The following SYNJ2 variants were observed in gnomAD, a reference collection of about 807,000 sequenced individuals.
SYNJ2 encodes polyphosphatidylinositol phosphatase SYNJ2.
A neutral mutation model predicts 141.3 loss-of-function variants in SYNJ2; 116 were observed. The ratio of observed to expected loss-of-function variants is 0.82; its 90% CI spans 0.71 to 0.96. The LOEUF (loss-of-function observed/expected upper bound fraction) is 0.96, where lower values mean the gene tolerates loss of function less well. Among genes scored for constraint, SYNJ2 ranks in the 40% least tolerant of loss-of-function variants. The pLI, the probability that SYNJ2 is intolerant of heterozygous loss-of-function variation, is 0.00. For missense variants in SYNJ2, 1,873 were observed against 1,934.8 expected, an observed-to-expected ratio of 0.97 and a Z score of 0.60; for synonymous variants, 745 against 777.7, an observed-to-expected ratio of 0.96 and a Z score of 0.70.
rs533948263 is a variant in SYNJ2 at position 158,027,141 on chromosome 6, A to G, written c.215-1615A>G. 7 of 985,404 alleles carry G rather than the reference A, an allele frequency of 7.1e-6. No homozygotes were observed. Among genetic ancestry groups the G allele is most frequent in the Admixed American group, 6.1e-5 (1 of 16,284 alleles). The allele number at this position is 985,404 out of a possible 1,614,324, so 61.0% of individuals were successfully genotyped here. On this transcript the variant is annotated intron_variant, in intron 2 of 26. Transcript: ENST00000355585. The surrounding 1 kb of genome is among the most constrained non-coding windows in gnomAD (Gnocchi z 4.6). ...AGCCACACGCCACCCTGCCACAAGC[A>G]GCGCTCTTCTCCCTATGAAGTGTGG...
Position 158,068,688 on chromosome 6 carries a change from G to A in SYNJ2, c.1759G>A (p.Glu587Lys), listed in dbSNP as rs1199545543. ...PADIFAVGFE[E>K]MVELSAGNIV... ...TGACATATTTGCTGTGGGGTTTGAA[G>A]AGATGGTGGAATTGAGCGCAGGGAA... The change falls in exon 13 of 27, where the codon GAG becomes AAG. Residue 587 changes from glutamate to lysine, a missense_variant. Glu to Lys is a moderately conservative substitution (Grantham distance 56, BLOSUM62 1). Coordinates refer to ENST00000355585, the MANE Select transcript of SYNJ2 (RefSeq NM_003898.4). The A allele has an allele frequency of 1.9e-6, 3 of 1,614,132 alleles. No individual in the cohort carries two copies. Among genetic ancestry groups the A allele is most frequent in the Non-Finnish European group, 1.7e-6 (2 of 1,180,048 alleles).
intron 1 of SYNJ2, among the ~76,000 whole-genome samples, chr6:157,992,687 T>C (rs1777495549): frequency 6.6e-6 from 1 of 151,504 alleles, no homozygotes; most frequent in South Asian, 2.1e-4. Context: ...TGTGAGCAGG[T>C]GTGAGCAACT....
chr6:158,097,981 C>T lies in SYNJ2; in HGVS notation c.*1617C>T, dbSNP rs1783877934. 1 of 152,086 alleles carries T rather than the reference C, an allele frequency of 6.6e-6. No individual in the cohort carries two copies. The highest frequency in any genetic ancestry group is 2.4e-5 in the African/African-American group (1 of 41,392). 9.4% of individuals were successfully genotyped at this position (152,086 alleles called of 1,614,324 possible). A position where few individuals can be genotyped will look rare whatever the true frequency, so the allele number is the denominator to read the frequency against. On this transcript the variant is annotated 3_prime_UTR_variant, in exon 27 of 27. Transcript: ENST00000355585. ...CTTTATATGATTTTTACCTCTGTAA[C>T]AAACACAAGAAATAAACAGAATGGT...
chr6:157,982,203 G>A lies in SYNJ2; in HGVS notation c.127+115G>A, dbSNP rs964223563. 6.6e-6 allele frequency: 8 copies of A among 1,208,534 alleles called. No individual in the cohort carries two copies. The highest frequency in any genetic ancestry group is 3.2e-5 in the African/African-American group (2 of 63,362). The allele number at this position is 1,208,534 out of a possible 1,614,324, so 74.9% of individuals were successfully genotyped here. A position where few individuals can be genotyped will look rare whatever the true frequency, so the allele number is the denominator to read the frequency against. On this transcript the variant is annotated intron_variant, in intron 1 of 26. Transcript: ENST00000355585. This position sits in a 1 kb window ranked among gnomAD's most constrained non-coding sequence, Gnocchi z 4.0. ...GGGATCGGGCGGCGCTGGGACTGCC[G>A]GGGCGTAGGGGTCGCGCGCAGAGGG...
In SYNJ2 at chr6:158,068,674, C is replaced by G; in HGVS notation, c.1745C>G (p.Ala582Gly). ...GACAGCAGCCCAGCTGACATATTTG[C>G]TGTGGGGTTTGAAGAGATGGTGGAA... ...QDDSSPADIF[A>G]VGFEEMVELS... Residue 582 changes from alanine to glycine, a missense_variant, in exon 13 of 27, where the codon GCT becomes GGT. Physicochemically the swap from Ala to Gly is moderately conservative, Grantham distance 60 (BLOSUM62 0). Transcript: ENST00000355585. The G allele has an allele frequency of 6.2e-7, 1 of 1,614,226 alleles. No homozygotes were observed. The highest frequency in any genetic ancestry group is 8.5e-7 in the Non-Finnish European group (1 of 1,180,034).
Position 158,096,383 on chromosome 6 carries a change from T to G in SYNJ2, c.*19T>G, listed in dbSNP as rs755898419. 1 of 1,578,778 alleles carries G rather than the reference T, an allele frequency of 6.3e-7. No homozygotes were observed. Among genetic ancestry groups the G allele is most frequent in the Non-Finnish European group, 8.6e-7 (1 of 1,166,584 alleles). ...AACATGACTGAGCAGCTTTGAAGGC[T>G]GCAGTCCTATAGAATGCATACCTTC... On this transcript the variant is annotated 3_prime_UTR_variant, in exon 27 of 27. Transcript: ENST00000355585.
chr6:158,023,982 A>G (rs1230176208), intron 2 of SYNJ2, among the ~76,000 whole-genome samples: 5 of 152,242 alleles, frequency 3.3e-5, no homozygotes. Flanking sequence ...TCTATTTATT[A>G]ATGTGAACAG....
intron 12 of SYNJ2, among the ~76,000 whole-genome samples, chr6:158,068,189 G>C (rs1237780996): frequency 4.0e-5 from 6 of 151,118 alleles, no homozygotes; most frequent in Admixed American, 6.6e-5. Context: ...AGAGGTTCCA[G>C]GTTGCCCATT....
intron 4 of SYNJ2, among the ~76,000 whole-genome samples, chr6:158,034,557 C>T (rs1412884976): frequency 6.6e-6 from 1 of 152,224 alleles, no homozygotes; most frequent in African/African-American, 2.4e-5. Flanking sequence ...AGGGTAGATA[C>T]AGAGATGAGG....
chr6:158,073,901 GT>G (rs35389531), intron 15 of SYNJ2, among the ~76,000 whole-genome samples: 81 of 38,280 alleles, frequency 2.1e-3, no homozygotes, highest in Admixed American at 0.013. Context: ...TCTGAACTTT[GT>G]TTTTTTTTTT....
chr6:158,031,037 C>T (rs902355607), intron 3 of SYNJ2: 7 of 152,208 alleles, frequency 4.6e-5, no homozygotes, highest in South Asian at 2.1e-4. Context: ...TGTCTGCAGA[C>T]GGCAGGTTGA....
At chr6:158,048,685 C>T (rs1047048721) in intron 5 of SYNJ2, among the ~76,000 whole-genome samples, 3 of 152,152 alleles carry the variant, frequency 2.0e-5, no homozygotes, top group African/African-American at 4.8e-5. Context: ...GGGAACCACT[C>T]GGTGCTGTGC....
intron 1 of SYNJ2, among the ~76,000 whole-genome samples, chr6:157,995,946 C>T (rs931914981): frequency 6.6e-6 from 1 of 152,152 alleles, no homozygotes; most frequent in African/African-American, 2.4e-5. Flanking sequence ...TTGACTGAAG[C>T]CCACATCTGT....
Position 158,064,644 on chromosome 6 carries a change from C to A in SYNJ2, c.1253C>A (p.Pro418His), listed in dbSNP as rs139197569. The stretch of plus-strand genomic sequence containing the variant: ...AAGACCCTGGGGCTGAGTTCAAAAC[C>A]CATCGTTGACCGCTTTGTGGAGTCC... ...QLKTLGLSSKPIVDRFVESFK... is the reference protein window; with the variant it reads ...QLKTLGLSSKHIVDRFVESFK... The change falls in exon 10 of 27, where the codon CCC becomes CAC. Residue 418 changes from proline (P) to histidine (H), a missense_variant. Physicochemically the swap from Pro to His is moderately conservative, Grantham distance 77 (BLOSUM62 -2). Coordinates refer to ENST00000355585, the MANE Select transcript of SYNJ2 (RefSeq NM_003898.4). 1 of 1,614,080 alleles carries A rather than the reference C, an allele frequency of 6.2e-7. No individual in the cohort carries two copies. Among genetic ancestry groups the A allele is most frequent in the Non-Finnish European group, 8.5e-7 (1 of 1,180,024 alleles).
At chr6:158,088,388 A>T (rs1406497205) in intron 23 of SYNJ2, among the ~76,000 whole-genome samples, 1 of 152,084 alleles carries the variant, frequency 6.6e-6, no homozygotes. Flanking sequence ...ATCAGATCTG[A>T]ATCCCCCAAG....
At chr6:158,085,460 C>G (rs576355749) in intron 22 of SYNJ2, among the ~76,000 whole-genome samples, 3 of 152,198 alleles carry the variant, frequency 2.0e-5, no homozygotes, top group East Asian at 1.9e-4. Context: ...CACTGAGCCC[C>G]GAGTTGGAGG....
rs1270063484 is a variant in SYNJ2, at chr6:158,086,959, C to G, written c.3313C>G (p.Pro1105Ala). Reference protein sequence around the residue: ...SLSVPNRPRPPQPPQRPPPPT... With the variant: ...SLSVPNRPRPAQPPQRPPPPT... The stretch of plus-strand genomic sequence containing the variant: ...GTCGGTCCCCAACCGGCCTCGGCCA[C>G]CTCAACCCCCGCAGAGACCCCCCCC... The change falls in exon 23 of 27, where the codon CCT (proline) becomes GCT (alanine). Residue 1105 changes from proline (P) to alanine (A), a missense_variant. Physicochemically the swap from Pro to Ala is conservative, Grantham distance 27 (BLOSUM62 -1). Coordinates refer to ENST00000355585, the MANE Select transcript of SYNJ2 (RefSeq NM_003898.4). 1.3e-6 allele frequency: 2 copies of G among 1,598,760 alleles called. No individual in the cohort carries two copies. Among genetic ancestry groups the G allele is most frequent in the Non-Finnish European group, 1.7e-6 (2 of 1,174,886 alleles).
At position 158,040,284 on chromosome 6, in the gene SYNJ2, C is replaced by T. The variant is rs1426588059; in HGVS notation, c.712-3032C>T. 2.0e-5 allele frequency among the ~76,000 whole-genome samples: 3 copies of T among 150,982 alleles called. No homozygotes were observed. Among genetic ancestry groups the T allele is most frequent in the Admixed American group, 2.0e-4 (3 of 15,256 alleles). On this transcript the variant is annotated intron_variant, in intron 4 of 26. Transcript: ENST00000355585. This position sits in a 1 kb window ranked among gnomAD's most constrained non-coding sequence, Gnocchi z 4.2. ...GTGTATACATGTGTGTGGTGTGTGC[C>T]TTGTGTTTGTTTTTCATGTGTATGT...
At chr6:157,988,257 G>C (rs1777282389) in intron 1 of SYNJ2, among the ~76,000 whole-genome samples, 1 of 152,210 alleles carries the variant, frequency 6.6e-6, no homozygotes. Flanking sequence ...TCCCTGCAGG[G>C]GGGCATGAAG....
Sources: allele counts gnomAD v4.1 joint callset (sites outside exome capture counted in the v4.1 genomes callset), GRCh38; gene constraint gnomAD v4.1.1; non-coding constraint Gnocchi (gnomAD v3.1); transcripts MANE v1.5; gene names NCBI Gene and HGNC (gene_info 2026-07-23, HGNC 2026-07-21).